Variants in AVL9 observed in about 807,000 individuals in gnomAD.
The protein encoded by AVL9 is AVL9 cell migration associated, also known as late secretory pathway protein AVL9 homolog.
A neutral mutation model predicts 79.2 loss-of-function variants in AVL9; 49 were observed. The observed-to-expected ratio is 0.62, with a 90% confidence interval of 0.49 to 0.79. The LOEUF (loss-of-function observed/expected upper bound fraction) is 0.79, where lower values mean the gene tolerates loss of function less well. Ranked by LOEUF, AVL9 falls within the 30% of genes least tolerant of loss-of-function variation. AVL9 has a pLI of 0.00. For missense variants in AVL9, 682 were observed against 776.8 expected, an observed-to-expected ratio of 0.88 and a Z score of 1.45; for synonymous variants, 299 against 280.6, an observed-to-expected ratio of 1.07 and a Z score of -0.65.
intron 1 of AVL9, among the ~76,000 whole-genome samples, chr7:32,504,398 T>TA (rs2128113391): frequency 6.6e-6 from 1 of 152,354 alleles, no homozygotes; most frequent in South Asian, 2.1e-4. Context: ...TTATGTTTTG[T>TA]ACAAATCGTT....
chr7:32,519,022 CT>C (rs1159292954), intron 1 of AVL9, among the ~76,000 whole-genome samples: 2 of 152,092 alleles, frequency 1.3e-5, no homozygotes, highest in Non-Finnish European at 2.9e-5. Context: ...AATGAAAAAT[CT>C]TTTGGTTCTG....
chr7:32,500,685 G>A (rs1583477450), intron 1 of AVL9, among the ~76,000 whole-genome samples: 1 of 152,080 alleles, frequency 6.6e-6, no homozygotes, highest in Non-Finnish European at 1.5e-5. Context: ...TCTTTGCCAT[G>A]CCTATATCCT....
At chr7:32,566,369 A>G (rs1790569435) in intron 10 of AVL9, among the ~76,000 whole-genome samples, 1 of 148,804 alleles carries the variant, frequency 6.7e-6, no homozygotes, top group Non-Finnish European at 1.5e-5. Context: ...GGGTTTCATC[A>G]TATTGTCCAG....
At chr7:32,525,638 T>TAA (rs1206667682) in intron 1 of AVL9, among the ~76,000 whole-genome samples, 8 of 152,226 alleles carry the variant, frequency 5.3e-5, no homozygotes, top group Admixed American at 5.2e-4. Context: ...CAGTAATCTC[T>TAA]AGAGAGTATC....
intron 2 of AVL9, 33 bp from the exon 3 acceptor site, chr7:32,544,661 C>T (rs1789387554): frequency 1.4e-6 from 2 of 1,461,900 alleles, no homozygotes; most frequent in Non-Finnish European, 1.9e-6. Flanking sequence ...GGTAATTCAC[C>T]TCACTATTTA....
At chr7:32,577,590 T>G (rs1368392758) in intron 13 of AVL9, among the ~76,000 whole-genome samples, 1 of 152,120 alleles carries the variant, frequency 6.6e-6, no homozygotes, top group Admixed American at 6.6e-5. Flanking sequence ...GCAGTCAACA[T>G]GCAGAGCCAT....
rs566069985 is a variant in AVL9 at position 32,588,662 on chromosome 7, A to G, written c.*4755A>G. 1 of 152,132 alleles carries G rather than the reference A, an allele frequency of 6.6e-6. No homozygotes were observed. 9.4% of individuals were successfully genotyped at this position (152,132 alleles called of 1,614,324 possible). A position where few individuals can be genotyped will look rare whatever the true frequency, so the allele number is the denominator to read the frequency against. On this transcript the variant is annotated 3_prime_UTR_variant, in exon 16 of 16. Transcript: ENST00000318709. ...TACTGAATTGTAAAACTTGAATTGT[A>G]TCTTTATTTTAAGCATAAATGAGAA...
At chr7:32,561,671 T>A (rs556981720) in intron 10 of AVL9, among the ~76,000 whole-genome samples, 4 of 148,500 alleles carry the variant, frequency 2.7e-5, no homozygotes, top group African/African-American at 5.1e-5. Flanking sequence ...AAAAACACTT[T>A]TAGTAGCACT....
Position 32,585,439 on chromosome 7 carries a change from A to C in AVL9, c.*1532A>C, listed in dbSNP as rs1385853852. On this transcript the variant is annotated 3_prime_UTR_variant, in exon 16 of 16. Coordinates refer to ENST00000318709, the MANE Select transcript of AVL9 (RefSeq NM_015060.3). ...CGTGTGTTTGCCATGCTCAGCTCTC[A>C]TTTGCTTTTCAAGGATACCTGGGAT... 2 of 152,106 alleles carry C rather than the reference A, an allele frequency of 1.3e-5. No individual in the cohort carries two copies. Among genetic ancestry groups the C allele is most frequent in the Non-Finnish European group, 2.9e-5 (2 of 68,022 alleles). The allele number at this position is 152,106 out of a possible 1,614,324, so 9.4% of individuals were successfully genotyped here. A position where few individuals can be genotyped will look rare whatever the true frequency, so the allele number is the denominator to read the frequency against.
At chr7:32,539,261 A>T (rs1789064411) in intron 1 of AVL9, 1 of 152,284 alleles carries the variant, frequency 6.6e-6, no homozygotes, top group Non-Finnish European at 1.5e-5. Flanking sequence ...AAAAAAAAGA[A>T]AAGGAAAAGA....
chr7:32,522,861 G>C (rs1281639616), intron 1 of AVL9, among the ~76,000 whole-genome samples: 3 of 152,024 alleles, frequency 2.0e-5, no homozygotes, highest in South Asian at 2.1e-4. Context: ...TGCTATTCTC[G>C]TGATAGTGAA....
chr7:32,527,474 TGC>T (rs1788454915), intron 1 of AVL9, among the ~76,000 whole-genome samples: 1 of 152,180 alleles, frequency 6.6e-6, no homozygotes, highest in Non-Finnish European at 1.5e-5. Flanking sequence ...AGTAGCTCAG[TGC>T]ATACAAGTTA....
At chr7:32,550,268 A>G (rs986166309) in intron 4 of AVL9, among the ~76,000 whole-genome samples, 10 of 151,934 alleles carry the variant, frequency 6.6e-5, no homozygotes, top group African/African-American at 2.2e-4. Context: ...CCTTATAACA[A>G]TATTGAGACA....
At chr7:32,583,613 A>G (rs910351937) in intron 15 of AVL9, among the ~76,000 whole-genome samples, 179 bp from the exon 16 acceptor site, 3 of 152,202 alleles carry the variant, frequency 2.0e-5, no homozygotes, top group African/African-American at 7.2e-5. Context: ...TAGGATGTCA[A>G]GGCTGCAGGG....
intron 1 of AVL9, among the ~76,000 whole-genome samples, chr7:32,529,740 T>C (rs948481663): frequency 6.6e-6 from 1 of 152,184 alleles, no homozygotes; most frequent in Non-Finnish European, 1.5e-5. Context: ...AACAATAAAG[T>C]GCATGAAACC....
At chr7:32,575,712 C>A (rs1200112241) in intron 12 of AVL9, among the ~76,000 whole-genome samples, 1 of 152,040 alleles carries the variant, frequency 6.6e-6, no homozygotes, top group African/African-American at 2.4e-5. Context: ...CTGGCTCAAC[C>A]CTCTTATTTT....
intron 10 of AVL9, among the ~76,000 whole-genome samples, chr7:32,561,307 A>G (rs961725613): frequency 4.6e-5 from 7 of 152,222 alleles, no homozygotes; most frequent in African/African-American, 1.7e-4. Context: ...CAAAATCTGT[A>G]ATCACCTTCA....
At chr7:32,575,124 GTC>G (rs1224858681) in intron 12 of AVL9, among the ~76,000 whole-genome samples, 1 of 142,786 alleles carries the variant, frequency 7.0e-6, no homozygotes, top group Admixed American at 6.9e-5. Context: ...TTGAGACAGA[GTC>G]TCGCTCTTGT....
intron 1 of AVL9, among the ~76,000 whole-genome samples, chr7:32,520,459 G>T (rs930410692): frequency 1.4e-4 from 22 of 152,164 alleles, no homozygotes; most frequent in African/African-American, 4.8e-4. Flanking sequence ...GGCATAGGAG[G>T]TTATTCCTGA....
Sources: gnomAD v4.1 joint callset for allele counts (sites outside exome capture counted in the v4.1 genomes callset) on GRCh38, gnomAD v4.1.1 for gene constraint, MANE v1.5 for transcripts, NCBI Gene and HGNC (gene_info 2026-07-23, HGNC 2026-07-21) for gene names.